KIF9: variants seen among roughly 807,000 people sequenced by gnomAD.
KIF9 encodes the protein kinesin family member 9.
KIF9 carries 68 observed loss-of-function variants against 94.8 expected under a neutral mutation model. The observed-to-expected ratio is 0.72, with a 90% CI of 0.59 to 0.88. The LOEUF is 0.88. Among genes scored for constraint, KIF9 ranks in the 40% least tolerant of loss-of-function variants. The probability of loss-of-function intolerance (pLI) is 0.00; values close to 1 mark genes in which losing one functional copy is unlikely to be tolerated. For synonymous variants in KIF9, 343 were observed against 362.1 expected, an observed-to-expected ratio of 0.95 and a Z score of 0.60; for missense variants, 882 against 982.5, an observed-to-expected ratio of 0.90 and a Z score of 1.37.
In KIF9 at chr3:47,271,513, CT is replaced by C. The variant is rs1246860590; in HGVS notation, c.367-53del. On this transcript the variant is annotated intron_variant, in intron 4 of 20. Transcript: ENST00000684063. ...CCAAGAGCAGAACCCCAACAGCCAACTAGCATAAGGGGGGCTTCCTAACTCA... is the reference window on the plus strand; with the variant it reads ...CCAAGAGCAGAACCCCAACAGCCAACAGCATAAGGGGGGCTTCCTAACTCA... 3 of 1,365,260 alleles carry C rather than the reference CT, an allele frequency of 2.2e-6. No homozygotes were observed. In the African/African-American group the frequency reaches 4.3e-5, roughly 19 times the overall value. The allele number at this position is 1,365,260 out of a possible 1,614,324, so 84.6% of individuals were successfully genotyped here. A position where few individuals can be genotyped will look rare whatever the true frequency, so the allele number is the denominator to read the frequency against.
intron 5 of KIF9, 122 bp from the exon 6 acceptor site, chr3:47,267,385 C>A: frequency 1.3e-6 from 1 of 744,134 alleles, no homozygotes; most frequent in South Asian, 1.6e-5. Flanking sequence ...TCAGCTGGGC[C>A]TTCCAGGCAA....
intron 5 of KIF9, among the ~76,000 whole-genome samples, chr3:47,270,700 A>G (rs1434414306): frequency 6.6e-6 from 1 of 152,192 alleles, no homozygotes; most frequent in Admixed American, 6.5e-5. Context: ...TATGTAAAAA[A>G]CAGATTATGC....
chr3:47,277,507 C>T, intron 1 of KIF9, 128 bp from the exon 2 acceptor site: 1 of 647,904 alleles, frequency 1.5e-6, no homozygotes, highest in Non-Finnish European at 2.7e-6. Context: ...TCCCTGAAAG[C>T]CAGTTTTCCT....
intron 3 of KIF9, among the ~76,000 whole-genome samples, chr3:47,273,990 G>A (rs1701807410): frequency 6.6e-6 from 1 of 152,204 alleles, no homozygotes; most frequent in Non-Finnish European, 1.5e-5. Flanking sequence ...AAAAAGATGA[G>A]GAGGGAGATA....
Position 47,275,453 on chromosome 3 carries a change from C to T in KIF9, c.131G>A (p.Gly44Glu). The change falls in exon 3 of 21, where the codon GGA becomes GAA. Residue 44 changes from glycine to glutamate, a missense_variant. Physicochemically the swap from Gly to Glu is moderately conservative, Grantham distance 98. Coordinates refer to ENST00000684063, the MANE Select transcript of KIF9 (RefSeq NM_182902.4). ...GTCTGTCTGTTGGTTATTGACAACT[C>T]CTCTCCGAATGTCTTTTTTTAAGTG... is the stretch of plus-strand genomic sequence containing the variant. ...DIHLKKDIRR[G>E]VVNNQQTDWS... 1.2e-6 allele frequency: 2 copies of T among 1,611,364 alleles called. No homozygotes were observed. Among genetic ancestry groups the T allele is most frequent in the South Asian group, 1.1e-5 (1 of 90,308 alleles).
intron 9 of KIF9, among the ~76,000 whole-genome samples, chr3:47,262,990 C>T (rs1313156468): frequency 6.6e-6 from 1 of 152,126 alleles, no homozygotes; most frequent in Non-Finnish European, 1.5e-5. Context: ...CCTCTGCCTC[C>T]CAGGTTCAAG....
At chr3:47,257,201 C>G (rs1394464299) in intron 10 of KIF9, among the ~76,000 whole-genome samples, 2 of 151,632 alleles carry the variant, frequency 1.3e-5, no homozygotes, top group Middle Eastern at 3.2e-3. Context: ...AAAAATTTTT[C>G]TTCATCTTAA....
chr3:47,266,391 C>A (rs1701291137), intron 7 of KIF9, among the ~76,000 whole-genome samples: 1 of 152,196 alleles, frequency 6.6e-6, no homozygotes, highest in East Asian at 1.9e-4. Context: ...CACTTGTAAT[C>A]CCAGCACTTT....
intron 2 of KIF9, among the ~76,000 whole-genome samples, chr3:47,276,697 G>A (rs1043873721): frequency 2.6e-5 from 4 of 152,122 alleles, no homozygotes; most frequent in African/African-American, 4.8e-5. Flanking sequence ...TTTTCTGACC[G>A]CTAGGACCTG....
In KIF9 at chr3:47,247,445, C is replaced by T. The variant is rs762294004; in HGVS notation, c.1161G>A (p.Met387Ile). The T allele has an allele frequency of 1.3e-5, 21 of 1,613,904 alleles. No individual in the cohort carries two copies. The South Asian group carries it at 2.3e-4, about 18-fold the overall frequency. Residue 387 changes from methionine to isoleucine, a missense_variant, in exon 12 of 21, where the codon ATG becomes ATA. Physicochemically the swap from Met to Ile is conservative, Grantham distance 10 (BLOSUM62 1). Coordinates refer to ENST00000684063, the MANE Select transcript of KIF9 (RefSeq NM_182902.4). ...TNRTFVTYDP[M>I]DEIQIAEINS... ...TGATCTCAGCAATCTGGATTTCATCCATGGGGTCATAGGTCACAAAGGTGC... is the reference window on the plus strand; with the variant it reads ...TGATCTCAGCAATCTGGATTTCATCTATGGGGTCATAGGTCACAAAGGTGC...
intron 3 of KIF9, 196 bp downstream of exon 3, chr3:47,275,129 G>A: frequency 1.9e-6 from 1 of 516,586 alleles, no homozygotes; most frequent in South Asian, 3.0e-5. Flanking sequence ...TCCTATGAAG[G>A]TAGAATCCCA....
intron 20 of KIF9, among the ~76,000 whole-genome samples, chr3:47,232,779 G>A (rs559545329): frequency 3.3e-5 from 5 of 150,002 alleles, no homozygotes; most frequent in African/African-American, 9.8e-5. Context: ...TCAGGAGATC[G>A]AGACCATCCT....
chr3:47,282,271 C>A, intron 1 of KIF9: 1 of 985,588 alleles, frequency 1.0e-6, no homozygotes, highest in South Asian at 4.7e-5. Context: ...GACGTGGGAC[C>A]CCTTTGTGGG....
intron 7 of KIF9, among the ~76,000 whole-genome samples, chr3:47,266,326 A>G (rs1337761210): frequency 6.6e-6 from 1 of 152,172 alleles, no homozygotes; most frequent in South Asian, 2.1e-4. Context: ...TACTCATGCA[A>G]ATACTCATAC....
intron 16 of KIF9, among the ~76,000 whole-genome samples, chr3:47,241,300 G>A (rs1443792959): frequency 1.3e-5 from 2 of 151,790 alleles, no homozygotes; most frequent in African/African-American, 4.8e-5. Context: ...ATATGGTGGT[G>A]TATTTCCTTC....
At chr3:47,273,967 T>A (rs963035836) in intron 3 of KIF9, among the ~76,000 whole-genome samples, 7 of 152,122 alleles carry the variant, frequency 4.6e-5, no homozygotes, top group African/African-American at 1.7e-4. Flanking sequence ...ACAGAGGAAC[T>A]GGAACTTTTC....
rs199875749 is a variant in KIF9, at chr3:47,241,884, A to ATTT, written c.1710-872_1710-870dup. ...TATACACATATATATATATATATAT[A>ATTT]TTTTTTTTTTTTTTTCTTTGGAGAC... On this transcript the variant is annotated intron_variant, in intron 16 of 20. Coordinates refer to ENST00000684063, the MANE Select transcript of KIF9 (RefSeq NM_182902.4). Among the ~76,000 whole-genome samples, 425 of 114,282 alleles carry ATTT rather than the reference A, an allele frequency of 3.7e-3. 9 individuals carry two copies. The highest frequency in any genetic ancestry group is 0.015 in the African/African-American group (409 of 27,958). 75.0% of individuals were successfully genotyped at this position (114,282 alleles called of 152,430 possible).
Position 47,265,064 on chromosome 3 carries a change from G to A in KIF9, c.916+666C>T, listed in dbSNP as rs142073974. Among the ~76,000 whole-genome samples, 334 of 152,338 alleles carry A rather than the reference G, an allele frequency of 2.2e-3. 1 individual carries two copies. The highest frequency in any genetic ancestry group is 7.4e-3 in the African/African-American group (309 of 41,568). ...AAATGTCTATTGTTTAAGCCACTTA[G>A]TTTATGGTATTTTCTTATAGCAGCC... On this transcript the variant is annotated intron_variant, in intron 8 of 20. Coordinates refer to ENST00000684063, the MANE Select transcript of KIF9 (RefSeq NM_182902.4).
intron 5 of KIF9, among the ~76,000 whole-genome samples, chr3:47,268,486 T>C (rs78749263): frequency 0.011 from 1,669 of 152,250 alleles, 38 homozygotes; most frequent in African/African-American, 0.038. Flanking sequence ...CATACCTCTA[T>C]AGCTTATAGT....
Sources: gnomAD v4.1 joint callset for allele counts (sites outside exome capture counted in the v4.1 genomes callset) on GRCh38, gnomAD v4.1.1 for gene constraint, MANE v1.5 for transcripts, NCBI Gene and HGNC (gene_info 2026-07-23, HGNC 2026-07-21) for gene names.